The following CHN2 variants were observed in gnomAD, a reference collection of about 807,000 sequenced individuals.
The protein encoded by CHN2 is beta-chimaerin.
Under a neutral mutation model 56.3 loss-of-function variants are expected in CHN2, and 35 were observed. The observed-to-expected ratio is 0.62, with a 90% CI of 0.47 to 0.82. The LOEUF is 0.82. CHN2 is among the 40% of genes least tolerant of loss of function. The pLI is 0.00. For missense variants in CHN2, 491 were observed against 580.5 expected, an observed-to-expected ratio of 0.85 and a Z score of 1.58; for synonymous variants, 210 against 212.8, an observed-to-expected ratio of 0.99 and a Z score of 0.12.
chr7:29,509,717 C>T (rs1583452706), intron 12 of CHN2: 11 of 211,648 alleles, frequency 5.2e-5, no homozygotes, highest in South Asian at 1.5e-4. Flanking sequence ...TGGTGGCAGC[C>T]GCCTGTAGTC....
chr7:29,246,083 G>A (rs1788054261), intron 1 of CHN2, among the ~76,000 whole-genome samples: 2 of 152,156 alleles, frequency 1.3e-5, no homozygotes, highest in Non-Finnish European at 2.9e-5. Flanking sequence ...AGAGCACTTG[G>A]CAAAGTCTTG....
chr7:29,154,128 C>T (rs1042257598), intron 2 of CHN2, among the ~76,000 whole-genome samples: 5 of 152,122 alleles, frequency 3.3e-5, no homozygotes, highest in African/African-American at 1.2e-4. Context: ...ACCTGTTTGT[C>T]ACCACATCAC....
chr7:29,383,568 T>C (rs1006291254), intron 3 of CHN2, among the ~76,000 whole-genome samples: 1 of 152,212 alleles, frequency 6.6e-6, no homozygotes, highest in African/African-American at 2.4e-5. Context: ...GTTTGTCAGA[T>C]ATCTGGGAAT....
At chr7:29,232,035 T>C (rs550349689) in intron 1 of CHN2, among the ~76,000 whole-genome samples, 13 of 152,278 alleles carry the variant, frequency 8.5e-5, no homozygotes, top group Admixed American at 5.2e-4. Context: ...TTCTGAATCA[T>C]AGAATTCCTG....
chr7:29,494,825 C>G (rs1789065783), intron 7 of CHN2, among the ~76,000 whole-genome samples: 1 of 151,822 alleles, frequency 6.6e-6, no homozygotes, highest in African/African-American at 2.4e-5. Flanking sequence ...CACCCAATTA[C>G]TAACATGTAT....
chr7:29,295,630 G>A (rs910739350), intron 1 of CHN2, among the ~76,000 whole-genome samples: 7 of 152,056 alleles, frequency 4.6e-5, no homozygotes, highest in African/African-American at 1.7e-4. Context: ...TGAGGAAATC[G>A]CTTTATGGTT....
chr7:29,274,720 A>G (rs1057118110), intron 1 of CHN2, among the ~76,000 whole-genome samples: 1 of 152,212 alleles, frequency 6.6e-6, no homozygotes, highest in Non-Finnish European at 1.5e-5. Flanking sequence ...CAAACAAAAC[A>G]CAACACATTT....
intron 1 of CHN2, among the ~76,000 whole-genome samples, chr7:29,236,533 T>C (rs1787206659): frequency 6.6e-6 from 1 of 152,240 alleles, no homozygotes; most frequent in Non-Finnish European, 1.5e-5. Flanking sequence ...AACTGCAATA[T>C]CTTCTCCCTT....
intron 2 of CHN2, among the ~76,000 whole-genome samples, chr7:29,152,962 C>A (rs1164237065): frequency 6.6e-6 from 1 of 152,220 alleles, no homozygotes; most frequent in African/African-American, 2.4e-5. Context: ...TTGGAGTCAT[C>A]CTCTATCTGA....
intron 1 of CHN2, among the ~76,000 whole-genome samples, chr7:29,231,716 A>G (rs1268110832): frequency 1.3e-5 from 2 of 152,194 alleles, no homozygotes; most frequent in Admixed American, 6.5e-5. Context: ...TGATACTATC[A>G]TTAGCACTTT....
chr7:29,290,910 G>C (rs1392915998), intron 1 of CHN2, among the ~76,000 whole-genome samples: 1 of 152,162 alleles, frequency 6.6e-6, no homozygotes, highest in Non-Finnish European at 1.5e-5. Context: ...ACTCAGAGGA[G>C]AGCCAAGCAG....
At chr7:29,227,908 T>G (rs559450517) in intron 1 of CHN2, among the ~76,000 whole-genome samples, 1 of 152,306 alleles carries the variant, frequency 6.6e-6, no homozygotes, top group Admixed American at 6.5e-5. Context: ...TTCATTGTTT[T>G]AGCCTGGGTT....
intron 2 of CHN2, among the ~76,000 whole-genome samples, chr7:29,181,952 A>G (rs183413957): frequency 6.6e-6 from 1 of 152,224 alleles, no homozygotes; most frequent in Non-Finnish European, 1.5e-5. Context: ...TGCCTCTAAC[A>G]TATCTACAGT....
intron 1 of CHN2, among the ~76,000 whole-genome samples, chr7:29,348,367 C>G (rs1043709317): frequency 1.3e-5 from 2 of 152,114 alleles, no homozygotes; most frequent in Non-Finnish European, 2.9e-5. Context: ...CCCCTTTAAC[C>G]CGCTTTTCTT....
intron 1 of CHN2, among the ~76,000 whole-genome samples, chr7:29,326,061 T>C (rs1275305725): frequency 6.6e-6 from 1 of 152,224 alleles, no homozygotes; most frequent in African/African-American, 2.4e-5. Context: ...TTTACCACTA[T>C]AGTTGGCTGT....
At chr7:29,499,806 A>G in intron 8 of CHN2, 61 bp from the exon 9 acceptor site, 3 of 1,439,410 alleles carry the variant, frequency 2.1e-6, no homozygotes, top group Non-Finnish European at 2.8e-6. Context: ...GGCAACATAT[A>G]ATTTGTGTTG....
upstream of CHN2, chr7:29,192,829 T>C (rs1783063843): frequency 6.6e-6 from 1 of 152,144 alleles, no homozygotes. Flanking sequence ...GATGGTAAAA[T>C]TCTACCGGGC....
chr7:29,298,256 A>G (rs1793349310), intron 1 of CHN2, among the ~76,000 whole-genome samples: 2 of 152,186 alleles, frequency 1.3e-5, no homozygotes, highest in African/African-American at 4.8e-5. Context: ...AGCAGGAATT[A>G]GCCATGCTCA....
intron 4 of CHN2, among the ~76,000 whole-genome samples, chr7:29,396,436 A>G (rs1342835303): frequency 1.6e-5 from 2 of 121,696 alleles, no homozygotes; most frequent in African/African-American, 6.2e-5. Flanking sequence ...ACTCCAGCTT[A>G]GGCTACAGAG....
Sources: allele counts gnomAD v4.1 joint callset (sites outside exome capture counted in the v4.1 genomes callset), GRCh38; gene constraint gnomAD v4.1.1; transcripts MANE v1.5; gene names NCBI Gene and HGNC (gene_info 2026-07-23, HGNC 2026-07-21).